FGGY: variants seen among roughly 807,000 people sequenced by gnomAD.
The protein encoded by FGGY is FGGY carbohydrate kinase domain-containing protein.
A neutral mutation model predicts 71.3 loss-of-function variants in FGGY; 72 were observed. The ratio of observed to expected loss-of-function variants is 1.01; its 90% confidence interval spans 0.84 to 1.23. FGGY has a LOEUF of 1.23. FGGY is among the 50% of genes most tolerant of loss of function. The pLI, the probability that FGGY is intolerant of heterozygous loss-of-function variation, is 0.00. For synonymous variants in FGGY, 251 were observed against 250.3 expected (o/e 1.00, Z -0.02); for missense variants, 668 against 682.3 (o/e 0.98, Z 0.23).
At chr1:59,527,504 C>G (rs2095024156) in intron 7 of FGGY, among the ~76,000 whole-genome samples, 1 of 152,198 alleles carries the variant, frequency 6.6e-6, no homozygotes, top group Non-Finnish European at 1.5e-5. Context: ...GCAATTTTAT[C>G]TCTGCCCCTT....
At chr1:59,429,067 C>T (rs758157847) in intron 5 of FGGY, among the ~76,000 whole-genome samples, 7 of 152,210 alleles carry the variant, frequency 4.6e-5, no homozygotes, top group Non-Finnish European at 7.3e-5. Context: ...ATTTTGACCA[C>T]GCCCATGTGG....
At chr1:59,466,066 G>A (rs1435942637) in intron 6 of FGGY, among the ~76,000 whole-genome samples, 1 of 152,116 alleles carries the variant, frequency 6.6e-6, no homozygotes, top group Non-Finnish European at 1.5e-5. Flanking sequence ...TAAGCAAAAA[G>A]AAAAAGCTGG....
intron 4 of FGGY, among the ~76,000 whole-genome samples, chr1:59,355,414 C>T (rs990603490): frequency 1.3e-5 from 2 of 152,176 alleles, no homozygotes; most frequent in African/African-American, 4.8e-5. Flanking sequence ...AATACTGGTA[C>T]ACTGTTCATG....
intron 11 of FGGY, among the ~76,000 whole-genome samples, chr1:59,638,597 G>C (rs1439953184): frequency 6.6e-6 from 1 of 152,248 alleles, no homozygotes; most frequent in Non-Finnish European, 1.5e-5. Context: ...GCATTTCCTA[G>C]TTCAGCTACT....
chr1:59,452,937 C>G (rs1005717599), intron 5 of FGGY, among the ~76,000 whole-genome samples: 5 of 152,164 alleles, frequency 3.3e-5, no homozygotes, highest in African/African-American at 1.2e-4. Context: ...AATAGTTATC[C>G]AAAGAGGGCA....
chr1:59,316,913 T>C (rs1351846082), intron 1 of FGGY, among the ~76,000 whole-genome samples: 1 of 152,160 alleles, frequency 6.6e-6, no homozygotes, highest in African/African-American at 2.4e-5. Flanking sequence ...CTGTTTTCTT[T>C]TTAGAGTATT....
At chr1:59,501,448 A>G (rs1202884929) in intron 6 of FGGY, among the ~76,000 whole-genome samples, 1 of 152,132 alleles carries the variant, frequency 6.6e-6, no homozygotes, top group Non-Finnish European at 1.5e-5. Context: ...AATTGTAGAA[A>G]CCACTGCTTT....
chr1:59,547,498 C>T (rs983946571), intron 7 of FGGY, among the ~76,000 whole-genome samples: 1 of 151,874 alleles, frequency 6.6e-6, no homozygotes, highest in African/African-American at 2.4e-5. Context: ...AGTCCCACCC[C>T]GAGGTCCCCC....
At chr1:59,322,518 A>G (rs1412758590) in intron 2 of FGGY, among the ~76,000 whole-genome samples, 3 of 152,090 alleles carry the variant, frequency 2.0e-5, no homozygotes, top group African/African-American at 7.2e-5. Flanking sequence ...TGCACTCTTA[A>G]CCATTGGACT....
chr1:59,627,130 G>C (rs561792526), intron 10 of FGGY, among the ~76,000 whole-genome samples: 1 of 151,902 alleles, frequency 6.6e-6, no homozygotes, highest in East Asian at 1.9e-4. Context: ...AGTAAAAACT[G>C]AACCTACTGT....
At chr1:59,405,721 AC>A (rs1557821629) in intron 5 of FGGY, among the ~76,000 whole-genome samples, 2 of 151,958 alleles carry the variant, frequency 1.3e-5, no homozygotes, top group Non-Finnish European at 2.9e-5. Context: ...CCTTTAGCCT[AC>A]CCCCCAGTCG....
At chr1:59,545,608 T>C (rs2095508354) in intron 7 of FGGY, among the ~76,000 whole-genome samples, 3 of 152,348 alleles carry the variant, frequency 2.0e-5, no homozygotes, top group Admixed American at 6.5e-5. Flanking sequence ...GTCTCAAATT[T>C]CCAAGCTATA....
chr1:59,391,440 G>A (rs1039740440), intron 5 of FGGY, among the ~76,000 whole-genome samples: 3 of 152,194 alleles, frequency 2.0e-5, no homozygotes, highest in African/African-American at 7.2e-5. Context: ...ACTGTGCCTT[G>A]CACTTGTACT....
At chr1:59,360,309 G>A (rs1042994058) in intron 4 of FGGY, among the ~76,000 whole-genome samples, 5 of 152,142 alleles carry the variant, frequency 3.3e-5, no homozygotes, top group Admixed American at 6.6e-5. Context: ...AGGGACTAGA[G>A]TGAAGCCTAC....
chr1:59,760,892 C>T (rs2098335799), intron 15 of FGGY, among the ~76,000 whole-genome samples: 1 of 152,178 alleles, frequency 6.6e-6, no homozygotes, highest in African/African-American at 2.4e-5. Context: ...GTTATATTGT[C>T]ACAGAGCATC....
At chr1:59,587,221 A>G (rs2096313694) in intron 8 of FGGY, among the ~76,000 whole-genome samples, 2 of 152,302 alleles carry the variant, frequency 1.3e-5, no homozygotes, top group African/African-American at 4.8e-5. Context: ...TCAAACTGCA[A>G]GGCGGCAGCA....
At chr1:59,526,575 G>A (rs1446298988) in intron 7 of FGGY, among the ~76,000 whole-genome samples, 1 of 152,202 alleles carries the variant, frequency 6.6e-6, no homozygotes, top group Non-Finnish European at 1.5e-5. Context: ...TATAGGGAAT[G>A]GATCAGCCAG....
intron 14 of FGGY, among the ~76,000 whole-genome samples, chr1:59,690,223 G>A (rs551749013): frequency 5.1e-4 from 78 of 152,208 alleles, no homozygotes; most frequent in African/African-American, 1.8e-3. Flanking sequence ...TCTTCAAGGG[G>A]CCCCTAAAAG....
chr1:59,357,342 A>G (rs2054529461), intron 4 of FGGY, among the ~76,000 whole-genome samples: 1 of 152,234 alleles, frequency 6.6e-6, no homozygotes, highest in Non-Finnish European at 1.5e-5. Context: ...AGCTATTATT[A>G]TAATACTTTA....
Sources: allele counts gnomAD v4.1 joint callset (sites outside exome capture counted in the v4.1 genomes callset), GRCh38; gene constraint gnomAD v4.1.1; transcripts MANE v1.5; gene names NCBI Gene and HGNC (gene_info 2026-07-23, HGNC 2026-07-21).